Variants in NFS1 observed in about 807,000 individuals in gnomAD.
NFS1 encodes NFS1 cysteine desulfurase.
NFS1 carries 26 observed loss-of-function variants against 57.3 expected under a neutral mutation model. That is an observed-to-expected ratio of 0.45 (90% CI 0.33 to 0.63). NFS1 has a LOEUF of 0.63. NFS1 is among the 20% of genes least tolerant of loss of function. NFS1 has a pLI of 0.02. For missense variants in NFS1, 505 were observed against 605.8 expected (o/e 0.83, Z 1.75); for synonymous variants, 209 against 216.3 (o/e 0.97, Z 0.30).
In NFS1 at chr20:35,695,647, G is replaced by A. The variant is rs117536266; in HGVS notation, c.408+730C>T. Reference sequence around the variant, plus strand: ...CAAAATGGAGATATCTAAAGAAACAGGAGGAACTTGTTGCAAATAGATCTG... The same window carrying A: ...CAAAATGGAGATATCTAAAGAAACAAGAGGAACTTGTTGCAAATAGATCTG... On this transcript the variant is annotated intron_variant, in intron 4 of 12. Coordinates refer to ENST00000374092, the MANE Select transcript of NFS1 (RefSeq NM_021100.5). Among the ~76,000 whole-genome samples the A allele has an allele frequency of 5.3e-3, 806 of 152,280 alleles. 4 individuals are homozygous for A. Among genetic ancestry groups the A allele is most frequent in the Non-Finnish European group, 8.5e-3 (577 of 68,030 alleles).
intron 4 of NFS1, among the ~76,000 whole-genome samples, chr20:35,693,759 C>T (rs538427319): frequency 3.3e-5 from 5 of 152,186 alleles, no homozygotes; most frequent in African/African-American, 7.2e-5. Flanking sequence ...GTCAGGAGAT[C>T]GAGACCATCT....
At chr20:35,688,892 T>C (rs375400914) in intron 5 of NFS1, among the ~76,000 whole-genome samples, 8 of 152,208 alleles carry the variant, frequency 5.3e-5, no homozygotes, top group African/African-American at 1.7e-4. Flanking sequence ...ATGTTACTGA[T>C]TGATGACTGA....
chr20:35,690,448 G>A lies in NFS1; in HGVS notation c.526C>T (p.Leu176Phe), dbSNP rs1385105147. 6.2e-7 allele frequency: 1 copy of A among 1,613,890 alleles called. No individual in the cohort carries two copies. Among genetic ancestry groups the A allele is most frequent in the Non-Finnish European group, 8.5e-7 (1 of 1,180,008 alleles). The change falls in exon 5 of 13, where the codon CTC becomes TTC. Residue 176 changes from leucine (L) to phenylalanine (F), a missense_variant. Physicochemically the swap from Leu to Phe is conservative, Grantham distance 22. Transcript: ENST00000374092. ...ATGATCCCACTCTTCTGCACTGGGAGGTAGGTGACCTGAAAGCCCTCAGCT... is the reference window on the plus strand; with the variant it reads ...ATGATCCCACTCTTCTGCACTGGGAAGTAGGTGACCTGAAAGCCCTCAGCT... ...LEAEGFQVTY[L>F]PVQKSGIIDL... is the part of the protein sequence containing the mutation.
Position 35,675,202 on chromosome 20 carries a change from C to T in NFS1, c.791G>A (p.Gly264Glu). 4 of 1,586,862 alleles carry T rather than the reference C, an allele frequency of 2.5e-6. No homozygotes were observed. The highest frequency in any genetic ancestry group is 3.4e-6 in the Non-Finnish European group (4 of 1,165,090). ...GCGACGGATGTAGATGGCACCAACCCCTGGGAAACAAAATTTGTTACAAAA... is the reference window on the plus strand; with the variant it reads ...GCGACGGATGTAGATGGCACCAACCTCTGGGAAACAAAATTTGTTACAAAA... ...ISGHKIYGPKGVGAIYIRRRP... is the reference protein window; with the variant it reads ...ISGHKIYGPKEVGAIYIRRRP... The change falls in exon 8 of 13, where the codon GGG becomes GAG. Residue 264 changes from glycine to glutamate, a missense_variant and splice_region_variant. Coordinates refer to ENST00000374092, the MANE Select transcript of NFS1 (RefSeq NM_021100.5).
Position 35,680,829 on chromosome 20 carries a change from G to A in NFS1, c.698C>T (p.Ala233Val). 2 of 1,579,498 alleles carry A rather than the reference G, an allele frequency of 1.3e-6. No individual in the cohort carries two copies. Among genetic ancestry groups the A allele is most frequent in the Admixed American group, 1.8e-5 (1 of 54,728 alleles). The change falls in exon 7 of 13, where the codon GCA (alanine) becomes GTA (valine). Residue 233 changes from alanine (A) to valine (V), a missense_variant. Ala to Val is a moderately conservative substitution (Grantham distance 64). Transcript: ENST00000374092. The stretch of plus-strand genomic sequence containing the variant: ...TGGGATTTTTCCAACAGCCTGGGCT[G>A]CATCAGTATGGAAATATACCTTTCT... ...SSRKVYFHTD[A>V]AQAVGKIPLD... is the part of the protein sequence containing the mutation.
chr20:35,676,192 G>A (rs905721808), intron 7 of NFS1: 3 of 151,988 alleles, frequency 2.0e-5, no homozygotes, highest in Admixed American at 1.3e-4. Context: ...GGCTGAGGCA[G>A]AAGAATTGCT....
rs370031949 is a variant in NFS1, at chr20:35,673,637, A to G, written c.1184T>C (p.Ile395Thr). ...SLEPSYVLRA[I>T]GTDEDLAHSS... is the part of the protein sequence containing the mutation. ...GTGCGCTAAATCCTCATCAGTGCCAATTGCTCTAAGCACATAAGAGGGCTC... is the reference window on the plus strand; with the variant it reads ...GTGCGCTAAATCCTCATCAGTGCCAGTTGCTCTAAGCACATAAGAGGGCTC... Residue 395 changes from isoleucine to threonine, a missense_variant, in exon 11 of 13, where the codon ATT (isoleucine) becomes ACT (threonine). Ile to Thr is a moderately conservative substitution (Grantham distance 89, BLOSUM62 -1). Coordinates refer to ENST00000374092, the MANE Select transcript of NFS1 (RefSeq NM_021100.5). 1 of 1,614,010 alleles carries G rather than the reference A, an allele frequency of 6.2e-7. No individual in the cohort carries two copies. The highest frequency in any genetic ancestry group is 8.5e-7 in the Non-Finnish European group (1 of 1,179,956).
In NFS1 at chr20:35,674,626, C is replaced by A. The variant is rs967984494; in HGVS notation, c.949-9G>T. 4 of 1,607,968 alleles carry A rather than the reference C, an allele frequency of 2.5e-6. No individual in the cohort carries two copies. The highest frequency in any genetic ancestry group is 3.4e-6 in the Non-Finnish European group (4 of 1,174,564). ...ATTCGCTTGTGGTCATACTAAGGAG[C>A]AGGCAAGGAAGGATTAGGCAGTAAC... is the stretch of plus-strand genomic sequence containing the variant. On this transcript the variant is annotated splice_polypyrimidine_tract_variant and intron_variant, in intron 8 of 12. Transcript: ENST00000374092.
intron 8 of NFS1, 40 bp from the exon 9 acceptor site, chr20:35,674,657 A>G: frequency 6.7e-7 from 1 of 1,496,340 alleles, no homozygotes; most frequent in Non-Finnish European, 9.3e-7. Flanking sequence ...GTAACCATTA[A>G]CCAGCTCAGA....
chr20:35,691,272 A>G (rs941147921), intron 4 of NFS1, among the ~76,000 whole-genome samples: 4 of 152,176 alleles, frequency 2.6e-5, no homozygotes, highest in African/African-American at 9.7e-5. Flanking sequence ...CATTTAACCA[A>G]TATTTAGCAC....
intron 5 of NFS1, among the ~76,000 whole-genome samples, chr20:35,683,790 CAAAAAAAAAAA>C (rs151037025): frequency 2.8e-4 from 15 of 54,026 alleles, no homozygotes; most frequent in Middle Eastern, 0.013. Flanking sequence ...GACTCCATCT[CAAAAAAAAAAA>C]AAAAAAAAAA....
At chr20:35,681,430 G>A (rs371917425) in intron 6 of NFS1, among the ~76,000 whole-genome samples, 2 of 152,234 alleles carry the variant, frequency 1.3e-5, no homozygotes, top group East Asian at 3.8e-4. Flanking sequence ...GGGAGCAGTG[G>A]CTCACGCCTG....
chr20:35,681,718 T>C (rs1390983723), intron 6 of NFS1, among the ~76,000 whole-genome samples, 170 bp downstream of exon 6: 2 of 151,952 alleles, frequency 1.3e-5, no homozygotes, highest in Non-Finnish European at 2.9e-5. Flanking sequence ...AAAATGGTAA[T>C]AGACCTGGAT....
rs148682134 is a variant in NFS1 at position 35,687,710 on chromosome 20, G to A, written c.561+2703C>T. On this transcript the variant is annotated intron_variant, in intron 5 of 12. Coordinates refer to ENST00000374092, the MANE Select transcript of NFS1 (RefSeq NM_021100.5). The stretch of plus-strand genomic sequence containing the variant: ...TCTGCACATGGGGAGAAAACCCACC[G>A]ACCCTGTGGGGCTGGACCCTACAAA... Among the ~76,000 whole-genome samples, 831 of 152,246 alleles carry A rather than the reference G, an allele frequency of 5.5e-3. 13 individuals are homozygous for A. The highest frequency in any genetic ancestry group is 0.019 in the African/African-American group (789 of 41,538).
Position 35,668,576 on chromosome 20 carries a change from A to T in NFS1, c.*1046T>A, listed in dbSNP as rs1249703098. The T allele has an allele frequency of 6.6e-6, 1 of 152,164 alleles. No individual in the cohort carries two copies. The highest frequency in any genetic ancestry group is 1.9e-4 in the East Asian group (1 of 5,196). 9.4% of individuals were successfully genotyped at this position (152,164 alleles called of 1,614,324 possible). ...CTCACCTCTCATTTCTAGATTAGCG[A>T]GCTCTTCATATTTATAAGCACTACC... On this transcript the variant is annotated 3_prime_UTR_variant, in exon 13 of 13. Transcript: ENST00000374092.
chr20:35,684,095 C>A (rs2034897296), intron 5 of NFS1, among the ~76,000 whole-genome samples: 1 of 149,666 alleles, frequency 6.7e-6, no homozygotes, highest in Admixed American at 6.7e-5. Flanking sequence ...CTGGGGCGAC[C>A]AGAGCAAAAC....
chr20:35,675,408 A>C lies in NFS1; in HGVS notation c.791-206T>G. 1.1e-5 allele frequency: 7 copies of C among 621,886 alleles called. No homozygotes were observed. The South Asian group carries it at 1.3e-4, about 11-fold the overall frequency. 38.5% of individuals were successfully genotyped at this position (621,886 alleles called of 1,614,324 possible). A position where few individuals can be genotyped will look rare whatever the true frequency, so the allele number is the denominator to read the frequency against. ...TAACATCTGGAAGATAAATGCCAGA[A>C]GGAGTAATGATCAAAATGGTTTAAA... On this transcript the variant is annotated intron_variant, in intron 7 of 12. Transcript: ENST00000374092.
rs185452890 is a variant in NFS1, at chr20:35,679,657, C to T, written c.790+1080G>A. 1.4e-4 allele frequency among the ~76,000 whole-genome samples: 21 copies of T among 152,092 alleles called. No homozygotes were observed. The East Asian group carries it at 4.1e-3, about 29-fold the overall frequency. On this transcript the variant is annotated intron_variant, in intron 7 of 12. Coordinates refer to ENST00000374092, the MANE Select transcript of NFS1 (RefSeq NM_021100.5). ...CTGGGCTTTTTGAAATAATAACTCACAAAAAACACTCTACAACCTCTGGGA... is the reference window on the plus strand; with the variant it reads ...CTGGGCTTTTTGAAATAATAACTCATAAAAAACACTCTACAACCTCTGGGA...
At chr20:35,685,437 G>A (rs1375076104) in intron 5 of NFS1, among the ~76,000 whole-genome samples, 7 of 151,276 alleles carry the variant, frequency 4.6e-5, no homozygotes, top group African/African-American at 1.7e-4. Flanking sequence ...CACAAGAATC[G>A]CTTGAACTTA....
Sources: gnomAD v4.1 joint callset for allele counts (sites outside exome capture counted in the v4.1 genomes callset) on GRCh38, gnomAD v4.1.1 for gene constraint, MANE v1.5 for transcripts, NCBI Gene and HGNC (gene_info 2026-07-23, HGNC 2026-07-21) for gene names.